ZNF385B: variants seen among roughly 807,000 people sequenced by gnomAD.
ZNF385B encodes the protein zinc finger protein 533.
ZNF385B carries 23 observed loss-of-function variants against 39.2 expected under a neutral mutation model. The observed-to-expected ratio is 0.59, with a 90% confidence interval of 0.42 to 0.83. The LOEUF (loss-of-function observed/expected upper bound fraction) is 0.83. Ranked by LOEUF, ZNF385B falls within the 40% of genes least tolerant of loss-of-function variation. ZNF385B has a pLI of 0.00. For synonymous variants in ZNF385B, 205 were observed against 222.6 expected, an observed-to-expected ratio of 0.92 and a Z score of 0.70; for missense variants, 552 against 598.9, an observed-to-expected ratio of 0.92 and a Z score of 0.82.
intron 3 of ZNF385B, among the ~76,000 whole-genome samples, chr2:179,641,457 C>A (rs1692262017): frequency 6.6e-6 from 1 of 152,128 alleles, no homozygotes; most frequent in Non-Finnish European, 1.5e-5. Flanking sequence ...CAGATAATTT[C>A]TGACAGCTTT....
chr2:179,605,207 T>G (rs1464862040), intron 3 of ZNF385B, among the ~76,000 whole-genome samples: 1 of 152,170 alleles, frequency 6.6e-6, no homozygotes, highest in African/African-American at 2.4e-5. Context: ...CACATGCCAC[T>G]TTACCTACTT....
chr2:179,530,389 T>C (rs906875239), intron 4 of ZNF385B, among the ~76,000 whole-genome samples: 1 of 152,146 alleles, frequency 6.6e-6, no homozygotes, highest in Non-Finnish European at 1.5e-5. Flanking sequence ...CAAATCCAAA[T>C]AGGATACAAT....
At chr2:179,677,708 T>C (rs925503194) in intron 3 of ZNF385B, among the ~76,000 whole-genome samples, 4 of 152,190 alleles carry the variant, frequency 2.6e-5, no homozygotes, top group Admixed American at 2.0e-4. Context: ...AAGATGAGGA[T>C]GGTGCCTCAT....
chr2:179,464,735 G>A lies in ZNF385B; in HGVS notation c.716-17965C>T, dbSNP rs192091941. 1.1e-3 allele frequency among the ~76,000 whole-genome samples: 172 copies of A among 152,242 alleles called. 1 individual carries two copies. The highest frequency in any genetic ancestry group is 3.7e-3 in the African/African-American group (154 of 41,534). Reference sequence around the variant, plus strand: ...TCTGTTTTGGTACCAGTACCATGCCGTTTTGGTTACTGTAGCCTTGTAGTA... The same window carrying A: ...TCTGTTTTGGTACCAGTACCATGCCATTTTGGTTACTGTAGCCTTGTAGTA... On this transcript the variant is annotated intron_variant, in intron 6 of 9. Coordinates refer to ENST00000410066, the MANE Select transcript of ZNF385B (RefSeq NM_152520.6).
intron 5 of ZNF385B, among the ~76,000 whole-genome samples, chr2:179,503,749 T>C (rs1305379913): frequency 6.6e-6 from 1 of 151,716 alleles, no homozygotes; most frequent in African/African-American, 2.4e-5. Context: ...GTCCTTGTGA[T>C]AGTTTGCTGA....
intron 3 of ZNF385B, among the ~76,000 whole-genome samples, chr2:179,721,108 G>A (rs1405644924): frequency 6.6e-6 from 1 of 151,632 alleles, no homozygotes; most frequent in African/African-American, 2.4e-5. Flanking sequence ...TAGACTTTAA[G>A]GCCAAGGAAT....
intron 3 of ZNF385B, among the ~76,000 whole-genome samples, chr2:179,559,856 C>G (rs1028270150): frequency 6.6e-6 from 1 of 152,050 alleles, no homozygotes; most frequent in Non-Finnish European, 1.5e-5. Context: ...CCTTAGATCT[C>G]TAGATATAGT....
At position 179,554,229 on chromosome 2, in the gene ZNF385B, ATACT is replaced by A. The variant is rs1263684580; in HGVS notation, c.299-9264_299-9261del. ...AGAGCATGAATAATTAAATCTATTA[ATACT>A]TACCATAAACGGCAGGGGTCATGTG... On this transcript the variant is annotated intron_variant, in intron 3 of 9. Coordinates refer to ENST00000410066, the MANE Select transcript of ZNF385B (RefSeq NM_152520.6). Among the ~76,000 whole-genome samples, 8 of 149,358 alleles carry A rather than the reference ATACT, an allele frequency of 5.4e-5. No individual in the cohort carries two copies. The South Asian group carries it at 8.6e-4, about 16-fold the overall frequency.
chr2:179,474,624 A>T (rs2053207733), intron 6 of ZNF385B, among the ~76,000 whole-genome samples: 1 of 152,160 alleles, frequency 6.6e-6, no homozygotes, highest in Non-Finnish European at 1.5e-5. Flanking sequence ...ATTCAGTTAC[A>T]TGTTATTATT....
chr2:179,614,769 T>G (rs1207339848), intron 3 of ZNF385B, among the ~76,000 whole-genome samples: 2 of 152,226 alleles, frequency 1.3e-5, no homozygotes, highest in East Asian at 3.8e-4. Flanking sequence ...GTGTGAAGTA[T>G]GCTTAAGATC....
chr2:179,848,033 G>T (rs1708888696), intron 1 of ZNF385B, among the ~76,000 whole-genome samples: 1 of 152,090 alleles, frequency 6.6e-6, no homozygotes, highest in Non-Finnish European at 1.5e-5. Context: ...ATAACAAGAG[G>T]CAAGGTCTGG....
chr2:179,809,073 A>G (rs1336976517), intron 1 of ZNF385B, among the ~76,000 whole-genome samples: 1 of 152,260 alleles, frequency 6.6e-6, no homozygotes, highest in Non-Finnish European at 1.5e-5. Flanking sequence ...ATAGCTGTCA[A>G]GCTATGATTA....
At chr2:179,462,270 C>T (rs1026167364) in intron 6 of ZNF385B, among the ~76,000 whole-genome samples, 1 of 152,192 alleles carries the variant, frequency 6.6e-6, no homozygotes, top group Non-Finnish European at 1.5e-5. Flanking sequence ...TCATTCTCTG[C>T]TTTATCTTTC....
chr2:179,493,612 C>CGT (rs2055584981), intron 5 of ZNF385B, among the ~76,000 whole-genome samples: 3 of 113,370 alleles, frequency 2.6e-5, no homozygotes, highest in Admixed American at 1.1e-4. Flanking sequence ...CATATATGTA[C>CGT]GTACATATAT....
At chr2:179,459,730 AC>A (rs1354960991) in intron 6 of ZNF385B, among the ~76,000 whole-genome samples, 1 of 151,020 alleles carries the variant, frequency 6.6e-6, no homozygotes, top group Non-Finnish European at 1.5e-5. Context: ...AAATGCATAA[AC>A]TTTTATTATA....
At chr2:179,480,034 C>T (rs1980196) in intron 6 of ZNF385B, among the ~76,000 whole-genome samples, 3,056 of 152,230 alleles carry the variant, frequency 0.02, 51 homozygotes, top group Admixed American at 0.035. Context: ...GATGCTAAAA[C>T]GCGAGAATGG....
chr2:179,780,890 C>T (rs1215751541), intron 1 of ZNF385B, among the ~76,000 whole-genome samples: 1 of 152,156 alleles, frequency 6.6e-6, no homozygotes, highest in Non-Finnish European at 1.5e-5. Context: ...CAAACTTACA[C>T]AGGCTAGTCA....
chr2:179,695,289 TA>T (rs1698653288), intron 3 of ZNF385B, among the ~76,000 whole-genome samples: 1 of 152,100 alleles, frequency 6.6e-6, no homozygotes, highest in Non-Finnish European at 1.5e-5. Context: ...AAAGGATTTT[TA>T]GATATGATAC....
intron 3 of ZNF385B, among the ~76,000 whole-genome samples, chr2:179,601,276 G>A (rs1688389448): frequency 6.6e-6 from 1 of 152,078 alleles, no homozygotes; most frequent in Non-Finnish European, 1.5e-5. Flanking sequence ...TTTTGGGCTG[G>A]GTGAAGCAAG....
Sources: gnomAD v4.1 joint callset for allele counts (sites outside exome capture counted in the v4.1 genomes callset) on GRCh38, gnomAD v4.1.1 for gene constraint, MANE v1.5 for transcripts, NCBI Gene and HGNC (gene_info 2026-07-23, HGNC 2026-07-21) for gene names.